The following ABCC9 variants were observed in gnomAD, a reference collection of about 807,000 sequenced individuals.
ABCC9 encodes ATP binding cassette subfamily C member 9.
In ABCC9, 95 loss-of-function variants were observed where a neutral mutation model predicts 188.3. That is an observed-to-expected ratio of 0.50 (90% CI 0.43 to 0.60). The LOEUF (loss-of-function observed/expected upper bound fraction) is 0.60, where lower values mean the gene tolerates loss of function less well. ABCC9 is among the 20% of genes least tolerant of loss of function. The pLI is 0.00. For synonymous variants in ABCC9, 659 were observed against 652.7 expected (o/e 1.01, Z -0.15); for missense variants, 1,102 against 1,876.3 (o/e 0.59, Z 7.62).
intron 18 of ABCC9, among the ~76,000 whole-genome samples, chr12:21,866,066 A>AG (rs1945763314): frequency 6.6e-6 from 1 of 152,026 alleles, no homozygotes; most frequent in African/African-American, 2.4e-5. Flanking sequence ...ATGAAAAAAA[A>AG]AAAAGCCAAG....
intron 36 of ABCC9, 70 bp downstream of exon 36, chr12:21,811,979 G>T: frequency 1.8e-6 from 2 of 1,111,838 alleles, no homozygotes; most frequent in Non-Finnish European, 1.4e-6. Context: ...AAATGACTCT[G>T]AGTAAAACCT....
At chr12:21,926,542 C>G (rs74067881) in intron 4 of ABCC9, among the ~76,000 whole-genome samples, 2,549 of 152,224 alleles carry the variant, frequency 0.017, 43 homozygotes, top group Middle Eastern at 0.058. Context: ...ATGAAGAAAA[C>G]AAGACGTAAC....
intron 12 of ABCC9, among the ~76,000 whole-genome samples, chr12:21,902,666 T>C (rs1473459733): frequency 2.0e-5 from 3 of 152,006 alleles, no homozygotes; most frequent in Non-Finnish European, 4.4e-5. Flanking sequence ...TATAAACACC[T>C]CTATGCAAAT....
At chr12:21,908,708 G>A (rs1948164342) in intron 10 of ABCC9, among the ~76,000 whole-genome samples, 1 of 151,978 alleles carries the variant, frequency 6.6e-6, no homozygotes, top group Non-Finnish European at 1.5e-5. Context: ...CTAAAGGAAT[G>A]AGCTGAGCTC....
At position 21,852,097 on chromosome 12, in the gene ABCC9, CT is replaced by C. The variant is rs775677708; in HGVS notation, c.2768del (p.Lys923ArgfsTer10). ...ACTCTTCTGAACTATGAGCACTTAC[CT>C]TTTCTAATTCTTGATCTTGCCGATT... is the stretch of plus-strand genomic sequence containing the variant. ...LMNRQDQELE[K>X]DMEADQTTLE... On this transcript the variant is annotated frameshift_variant and splice_region_variant, in exon 24 of 40. Coordinates refer to ENST00000261200, the MANE Select transcript of ABCC9 (RefSeq NM_020297.4). LOFTEE classifies it high-confidence loss of function. 6.2e-7 allele frequency: 1 copy of C among 1,613,338 alleles called. No individual in the cohort carries two copies. The highest frequency in any genetic ancestry group is 1.3e-5 in the African/African-American group (1 of 74,854).
intron 7 of ABCC9, among the ~76,000 whole-genome samples, chr12:21,913,425 A>G (rs893550410): frequency 3.9e-5 from 6 of 152,296 alleles, no homozygotes; most frequent in African/African-American, 1.4e-4. Context: ...GCAAATTGCC[A>G]AATAGCATTG....
chr12:21,900,523 G>A (rs1947684631), intron 12 of ABCC9, among the ~76,000 whole-genome samples: 1 of 152,192 alleles, frequency 6.6e-6, no homozygotes, highest in Admixed American at 6.5e-5. Context: ...AGCTAAAGGA[G>A]GAAGTTCAAA....
At chr12:21,838,720 A>T (rs1405753200) in intron 29 of ABCC9, among the ~76,000 whole-genome samples, 2 of 152,140 alleles carry the variant, frequency 1.3e-5, no homozygotes, top group Non-Finnish European at 2.9e-5. Context: ...TGGGCTGAAA[A>T]AAATCGCTGA....
At position 21,936,139 on chromosome 12, in the gene ABCC9, T is replaced by A. The variant is rs1949478361; in HGVS notation, c.142+394A>T. On this transcript the variant is annotated intron_variant, in intron 3 of 39. Transcript: ENST00000261200. ...TTGTAAATAGGCTTACAATGTGGCA[T>A]AGTCATTTCTCATGACTTTAACACA... 2.6e-5 allele frequency among the ~76,000 whole-genome samples: 4 copies of A among 152,282 alleles called. No homozygotes were observed. The South Asian group carries it at 8.3e-4, about 32-fold the overall frequency.
At chr12:21,818,684 G>A (rs1342599379) in intron 31 of ABCC9, among the ~76,000 whole-genome samples, 1 of 126,198 alleles carries the variant, frequency 7.9e-6, no homozygotes, top group Non-Finnish European at 1.7e-5. Flanking sequence ...ACTGCATTAT[G>A]TTGCCAGACA....
At chr12:21,850,707 G>A (rs997965489) in intron 24 of ABCC9, among the ~76,000 whole-genome samples, 3 of 151,954 alleles carry the variant, frequency 2.0e-5, no homozygotes, top group Non-Finnish European at 4.4e-5. Flanking sequence ...ACCATAAATT[G>A]TCCCAATCCT....
intron 13 of ABCC9, 107 bp downstream of exon 13, chr12:21,895,168 G>T: frequency 1.0e-6 from 1 of 967,938 alleles, no homozygotes; most frequent in Non-Finnish European, 1.6e-6. Flanking sequence ...ATAGAGAGAA[G>T]TCACAGAGGT....
At chr12:21,877,196 G>A (rs1946401932) in intron 16 of ABCC9, among the ~76,000 whole-genome samples, 2 of 152,250 alleles carry the variant, frequency 1.3e-5, no homozygotes, top group South Asian at 4.1e-4. Context: ...GTAAACCATG[G>A]AAAGAAGTGA....
Position 21,882,834 on chromosome 12 carries a change from G to T in ABCC9, c.1951C>A (p.His651Asn). The change falls in exon 16 of 40, where the codon CAC (histidine) becomes AAC (asparagine). Residue 651 changes from histidine (H) to asparagine (N), a missense_variant. Physicochemically the swap from His to Asn is moderately conservative, Grantham distance 68. Transcript: ENST00000261200. ...TINRKQPGRY[H>N]LDSYEQSTRR... The stretch of plus-strand genomic sequence containing the variant: ...GTTGATTGCTCATAGCTGTCCAGGT[G>T]ATATCTTCCAGGCTGTTTCCTGTTT... 1 of 1,613,998 alleles carries T rather than the reference G, an allele frequency of 6.2e-7. No homozygotes were observed. Among genetic ancestry groups the T allele is most frequent in the Non-Finnish European group, 8.5e-7 (1 of 1,179,942 alleles).
At chr12:21,881,104 A>T (rs932801832) in intron 16 of ABCC9, among the ~76,000 whole-genome samples, 2 of 152,098 alleles carry the variant, frequency 1.3e-5, no homozygotes. Context: ...TTAGGGAAGC[A>T]AGCATAGCAA....
At chr12:21,886,594 A>C (rs1473907415) in intron 15 of ABCC9, among the ~76,000 whole-genome samples, 1 of 152,202 alleles carries the variant, frequency 6.6e-6, no homozygotes, top group Non-Finnish European at 1.5e-5. Context: ...AGAAAACAAC[A>C]ACATAATCTT....
At chr12:21,902,646 C>T (rs1947822631) in intron 12 of ABCC9, among the ~76,000 whole-genome samples, 1 of 152,174 alleles carries the variant, frequency 6.6e-6, no homozygotes, top group Non-Finnish European at 1.5e-5. Flanking sequence ...AAACTACCAT[C>T]AGAGAATACT....
Position 21,927,946 on chromosome 12 carries a change from G to A in ABCC9, c.285-1883C>T, listed in dbSNP as rs1949106824. On this transcript the variant is annotated intron_variant, in intron 4 of 39. Transcript: ENST00000261200. ...AATCAAAGAAAGAATCTGGCTGGAC[G>A]TGGTGGCTTACGCTTGCAATCCCTG... is the stretch of plus-strand genomic sequence containing the variant. Among the ~76,000 whole-genome samples the A allele has an allele frequency of 5.3e-5, 8 of 152,128 alleles. No individual in the cohort carries two copies. The South Asian group carries it at 1.7e-3, about 31-fold the overall frequency.
intron 38 of ABCC9, among the ~76,000 whole-genome samples, chr12:21,806,676 A>C (rs2137114141): frequency 6.6e-6 from 1 of 152,274 alleles, no homozygotes; most frequent in African/African-American, 2.4e-5. Flanking sequence ...CCGTTATAAT[A>C]ACCCTCAATG....
Sources: allele counts gnomAD v4.1 joint callset (sites outside exome capture counted in the v4.1 genomes callset), GRCh38; gene constraint gnomAD v4.1.1; transcripts MANE v1.5; gene names NCBI Gene and HGNC (gene_info 2026-07-23, HGNC 2026-07-21).